Variants in ACYP2 observed in about 807,000 individuals in gnomAD.
ACYP2 encodes the protein acylphosphatase 2.
Under a neutral mutation model 11.2 loss-of-function variants are expected in ACYP2, and 12 were observed. The observed-to-expected ratio is 1.08, with a 90% CI of 0.69 to 1.74. ACYP2 has a LOEUF of 1.74. ACYP2 is among the 40% of genes most tolerant of loss of function. The probability of loss-of-function intolerance (pLI) is 0.00; values close to 1 mark genes in which losing one functional copy is unlikely to be tolerated. For missense variants in ACYP2, 134 were observed against 101.9 expected, an observed-to-expected ratio of 1.31 and a Z score of -1.35; for synonymous variants, 43 against 32.2, an observed-to-expected ratio of 1.33 and a Z score of -1.13.
At chr2:54,138,775 C>A in intron 6 of ACYP2, 27 bp downstream of exon 3, 1 of 1,574,650 alleles carries the variant, frequency 6.4e-7, no homozygotes, top group Non-Finnish European at 8.7e-7. Flanking sequence ...ATAACATGTA[C>A]ATGAAATTTA....
intron 2 of ACYP2, among the ~76,000 whole-genome samples, chr2:54,005,313 A>G (rs745927363): frequency 6.6e-6 from 1 of 151,576 alleles, no homozygotes; most frequent in Non-Finnish European, 1.5e-5. Context: ...GCTTTGCCAA[A>G]GATCAGTTGA....
intron 6 of ACYP2, among the ~76,000 whole-genome samples, chr2:54,195,296 C>T (rs771099071): frequency 6.6e-6 from 1 of 152,204 alleles, no homozygotes; most frequent in East Asian, 1.9e-4. Flanking sequence ...GATCCTTAAA[C>T]TTCTTTGTTG....
chr2:54,122,262 A>G (rs1165857098), intron 4 of ACYP2, among the ~76,000 whole-genome samples: 1 of 152,264 alleles, frequency 6.6e-6, no homozygotes, highest in Non-Finnish European at 1.5e-5. Context: ...TTCTTTAAAT[A>G]TCAGTGTGTG....
At position 54,057,284 on chromosome 2, in the gene ACYP2, A is replaced by G; in HGVS notation, c.201A>G (p.Ile67Met). The change falls in exon 4 of 7, where the codon ATA (isoleucine) becomes ATG (methionine). Residue 67 changes from isoleucine to methionine, a missense_variant. Transcript: ENST00000607452. The stretch of plus-strand genomic sequence containing the variant: ...CAGAGTTTGGTTTTGGTCAAGTCAT[A>G]ATTGTGAGTGAAGAACCATGGAAGG... The G allele has an allele frequency of 2.5e-6, 1 of 398,090 alleles. No homozygotes were observed. Among genetic ancestry groups the G allele is most frequent in the Non-Finnish European group, 4.4e-6 (1 of 225,754 alleles). The allele number at this position is 398,090 out of a possible 1,614,324, so 24.7% of individuals were successfully genotyped here. A position where few individuals can be genotyped will look rare whatever the true frequency, so the allele number is the denominator to read the frequency against.
intron 6 of ACYP2, among the ~76,000 whole-genome samples, chr2:54,168,931 G>A (rs1683118717): frequency 6.6e-6 from 1 of 152,188 alleles, no homozygotes; most frequent in African/African-American, 2.4e-5. Flanking sequence ...AGACAACTGA[G>A]GTGAAACACT....
At chr2:54,127,654 C>T (rs1321892398) in intron 4 of ACYP2, among the ~76,000 whole-genome samples, 5 of 149,772 alleles carry the variant, frequency 3.3e-5, no homozygotes, top group Admixed American at 2.7e-4. Flanking sequence ...AGGCTGAGGC[C>T]GGAGAATCGC....
At chr2:54,115,128 T>C (rs1019381581) in intron 4 of ACYP2, among the ~76,000 whole-genome samples, 2 of 152,200 alleles carry the variant, frequency 1.3e-5, no homozygotes, top group Non-Finnish European at 2.9e-5. Flanking sequence ...TTGTCTAACA[T>C]GGTGACTGCG....
At chr2:54,140,254 T>C (rs561601145) in intron 6 of ACYP2, among the ~76,000 whole-genome samples, 2 of 152,312 alleles carry the variant, frequency 1.3e-5, no homozygotes, top group South Asian at 4.1e-4. Flanking sequence ...GTAGAGATTA[T>C]GTCCCATGAT....
chr2:53,989,319 G>C (rs1672176879), intron 2 of ACYP2, among the ~76,000 whole-genome samples: 2 of 133,198 alleles, frequency 1.5e-5, no homozygotes, highest in Admixed American at 1.7e-4. Context: ...AGGATTCCCA[G>C]GCTCAAGCAA....
intron 6 of ACYP2, among the ~76,000 whole-genome samples, chr2:54,302,056 G>T (rs1204371872): frequency 1.3e-5 from 2 of 152,202 alleles, no homozygotes; most frequent in Admixed American, 1.3e-4. Flanking sequence ...TTTGGCTGGG[G>T]AAGAAGTCCC....
chr2:54,253,600 T>C (rs368513395), intron 6 of ACYP2: 3 of 152,258 alleles, frequency 2.0e-5, no homozygotes, highest in East Asian at 3.8e-4. Flanking sequence ...AAAGTACTTC[T>C]CTTCCCATCA....
In ACYP2 at chr2:54,050,962, A is replaced by G. The variant is rs1675831258; in HGVS notation, c.67A>G (p.Lys23Glu). ...AATTTTTTTCTTTTTTTGTAGATAC[A>G]AGGTCTCGCTGTTCTACCTAGGCTG... The change falls in exon 3 of 7, where the codon AAG becomes GAG. Residue 23 changes from lysine to glutamate, a missense_variant. Physicochemically the swap from Lys to Glu is moderately conservative, Grantham distance 56. Transcript: ENST00000607452. The G allele has an allele frequency of 2.4e-6, 1 of 409,192 alleles. No individual in the cohort carries two copies. Among genetic ancestry groups the G allele is most frequent in the East Asian group, 3.5e-5 (1 of 28,356 alleles). The allele number at this position is 409,192 out of a possible 1,614,324, so 25.3% of individuals were successfully genotyped here.
At chr2:54,006,250 C>T (rs1180809892) in intron 2 of ACYP2, among the ~76,000 whole-genome samples, 3 of 151,992 alleles carry the variant, frequency 2.0e-5, no homozygotes, top group East Asian at 1.9e-4. Flanking sequence ...TGGGTTCAAG[C>T]GATTCTCCTG....
intron 2 of ACYP2, among the ~76,000 whole-genome samples, chr2:54,014,662 T>C (rs1027943421): frequency 1.3e-5 from 2 of 152,162 alleles, no homozygotes; most frequent in African/African-American, 4.8e-5. Context: ...TTATTTCAGC[T>C]GGTTGAGTGA....
chr2:53,995,653 A>T (rs1363029590), intron 2 of ACYP2, among the ~76,000 whole-genome samples: 1 of 151,662 alleles, frequency 6.6e-6, no homozygotes, highest in Non-Finnish European at 1.5e-5. Context: ...AGGTTTCATC[A>T]TGTTGGCCAG....
Position 54,137,747 on chromosome 2 carries a change from G to T in ACYP2, c.295-892G>T, listed in dbSNP as rs533760847. On this transcript the variant is annotated intron_variant, in intron 5 of 6. Coordinates refer to ENST00000607452, the MANE Select transcript of ACYP2 (RefSeq NM_001320586.2). ...GAATACTGCTGTAGTGAACATATGT[G>T]TGTATGTGTGTTTATGATGAAACAA... Among the ~76,000 whole-genome samples the T allele has an allele frequency of 1.3e-4, 20 of 152,280 alleles. 1 individual carries two copies. In the South Asian group the frequency reaches 3.9e-3, roughly 30 times the overall value.
intron 2 of ACYP2, among the ~76,000 whole-genome samples, chr2:54,001,350 A>G (rs911350824): frequency 2.0e-4 from 31 of 152,162 alleles, no homozygotes; most frequent in Non-Finnish European, 3.5e-4. Flanking sequence ...CAGCCTGAAC[A>G]TAGTGAGACC....
intron 4 of ACYP2, among the ~76,000 whole-genome samples, chr2:54,086,762 G>A (rs1308597629): frequency 6.6e-6 from 1 of 152,232 alleles, no homozygotes; most frequent in Non-Finnish European, 1.5e-5. Context: ...GATGAAGCCA[G>A]TGTTTCCTAA....
intron 4 of ACYP2, among the ~76,000 whole-genome samples, chr2:54,079,428 T>G (rs553547811): frequency 2.6e-5 from 4 of 152,354 alleles, no homozygotes; most frequent in African/African-American, 4.8e-5. Context: ...GAGCTTCTGT[T>G]TGAGCTTTCT....
Sources: gnomAD v4.1 joint callset for allele counts (sites outside exome capture counted in the v4.1 genomes callset) on GRCh38, gnomAD v4.1.1 for gene constraint, MANE v1.5 for transcripts, NCBI Gene and HGNC (gene_info 2026-07-23, HGNC 2026-07-21) for gene names.